Variants in REPS2 observed in about 807,000 individuals in gnomAD.
The protein encoded by REPS2 is ralBP1-associated Eps domain-containing protein 2.
Under a neutral mutation model 53.6 loss-of-function variants are expected in REPS2, and 23 were observed. The ratio of observed to expected loss-of-function variants is 0.43; its 90% CI spans 0.31 to 0.61. REPS2 has a LOEUF of 0.61. Among genes scored for constraint, REPS2 ranks in the 20% least tolerant of loss-of-function variants. The pLI, the probability that REPS2 is intolerant of heterozygous loss-of-function variation, is 0.11. For synonymous variants in REPS2, 238 were observed against 218.6 expected, an observed-to-expected ratio of 1.09 and a Z score of -0.78; for missense variants, 446 against 534.9, an observed-to-expected ratio of 0.83 and a Z score of 1.64.
the REPS2 span, among the ~76,000 whole-genome samples, chrX:17,171,011 G>A: frequency 2.7e-5 from 3 of 112,970 alleles, no homozygotes; most frequent in Non-Finnish European, 3.7e-5. Context: ...GACTCCATCT[G>A]TCTGGCTGGC....
chrX:17,101,331 G>A (rs1344178499), intron 13 of REPS2, among the ~76,000 whole-genome samples: 1 of 110,500 alleles, frequency 9.0e-6, no homozygotes, highest in Admixed American at 9.7e-5. Context: ...CAAAGTGCTG[G>A]GATTACAAGC....
chrX:17,190,463 A>G, the REPS2 span, among the ~76,000 whole-genome samples: 11 of 112,339 alleles, frequency 9.8e-5, no homozygotes, highest in African/African-American at 2.9e-4. Flanking sequence ...TGAAGAAATA[A>G]ACCAAGGAAG....
At chrX:17,155,512 G>A (rs955453858), downstream of REPS2, among the ~76,000 whole-genome samples, 1 of 111,659 alleles carries the variant, frequency 9.0e-6, no homozygotes, top group Admixed American at 9.5e-5. Context: ...AGAGAAGGAC[G>A]CAAAGGTAGG....
chrX:16,965,569 G>A (rs1321056065), intron 1 of REPS2, among the ~76,000 whole-genome samples: 8 of 110,075 alleles, frequency 7.3e-5, no homozygotes, highest in African/African-American at 1.7e-4. Flanking sequence ...GGGCAGAGAC[G>A]CTCCTCACAT....
At chrX:17,050,153 T>C (rs111921450) in intron 6 of REPS2, among the ~76,000 whole-genome samples, 2,253 of 35,202 alleles carry the variant, frequency 0.064, 33 homozygotes, top group East Asian at 0.21. Flanking sequence ...TTTCTTTCTT[T>C]CTTTCTTTCT....
At chrX:16,950,282 C>A (rs971815870) in intron 1 of REPS2, among the ~76,000 whole-genome samples, 1 of 111,745 alleles carries the variant, frequency 8.9e-6, no homozygotes, top group African/African-American at 3.3e-5. Context: ...TATTCACCTA[C>A]TGAAGGATAT....
intron 1 of REPS2, among the ~76,000 whole-genome samples, chrX:16,965,367 A>AC (rs1275303980): frequency 1.0e-5 from 1 of 97,005 alleles, no homozygotes; most frequent in African/African-American, 4.0e-5. Flanking sequence ...CGGGGGGCTG[A>AC]CCCCCCCACC....
the REPS2 span, among the ~76,000 whole-genome samples, chrX:17,183,355 G>C: frequency 9.0e-6 from 1 of 111,549 alleles, no homozygotes; most frequent in Non-Finnish European, 1.9e-5. Flanking sequence ...TCACTACATT[G>C]TACCCCAAAA....
the REPS2 span, among the ~76,000 whole-genome samples, chrX:17,161,042 C>T: frequency 9.0e-6 from 1 of 111,485 alleles, no homozygotes; most frequent in Non-Finnish European, 1.9e-5. Context: ...AGATGTGGAA[C>T]TTTTGAACTA....
intron 1 of REPS2, among the ~76,000 whole-genome samples, chrX:16,951,247 C>T (rs2060501662): frequency 9.0e-6 from 1 of 111,593 alleles, no homozygotes; most frequent in Non-Finnish European, 1.9e-5. Flanking sequence ...TGTTCGTAGA[C>T]ATATTTTCTT....
chrX:16,959,462 C>T (rs1213503266), intron 1 of REPS2, among the ~76,000 whole-genome samples: 3 of 111,851 alleles, frequency 2.7e-5, no homozygotes, highest in Non-Finnish European at 5.6e-5. Context: ...TTATTCATGA[C>T]ACTGGGAAAC....
chrX:16,985,388 A>G (rs745643483), intron 1 of REPS2, among the ~76,000 whole-genome samples: 17 of 111,202 alleles, frequency 1.5e-4, no homozygotes, highest in Non-Finnish European at 2.3e-4. Context: ...TCCTTCAACT[A>G]TTTTCCTTTT....
At chrX:17,112,140 T>G (rs957344503) in intron 14 of REPS2, among the ~76,000 whole-genome samples, 3 of 110,467 alleles carry the variant, frequency 2.7e-5, no homozygotes, top group Admixed American at 9.7e-5. Flanking sequence ...TTTTATTTTT[T>G]GTAGAGACAG....
Position 17,103,740 on chromosome X carries a change from C to G in REPS2, c.1539C>G (p.Pro513=). 1 of 1,210,489 alleles carries G rather than the reference C, an allele frequency of 8.3e-7. No homozygotes were observed. Among genetic ancestry groups the G allele is most frequent in the Non-Finnish European group, 1.1e-6 (1 of 894,825 alleles). ...SVPATKSGLL[P]PPPALPPRPC... The stretch of plus-strand genomic sequence containing the variant: ...CAGCTACCAAGTCAGGATTGTTACC[C>G]CCACCACCTGCGCTCCCTCCAAGAC... Residue 513 remains proline, a synonymous_variant, in exon 14 of 18, where the codon CCC becomes CCG. Coordinates refer to ENST00000357277, the MANE Select transcript of REPS2 (RefSeq NM_004726.3).
At chrX:17,114,106 G>A (rs1427489057) in intron 14 of REPS2, among the ~76,000 whole-genome samples, 1 of 111,507 alleles carries the variant, frequency 9.0e-6, no homozygotes, top group African/African-American at 3.3e-5. Flanking sequence ...GACCTTTGAT[G>A]GTAAGGTTTT....
At chrX:17,083,948 A>G (rs2062496411) in intron 13 of REPS2, among the ~76,000 whole-genome samples, 1 of 111,290 alleles carries the variant, frequency 9.0e-6, no homozygotes, top group South Asian at 3.8e-4. Context: ...TCACCTTTTT[A>G]AAGTGCACAA....
chrX:17,017,068 C>T (rs2061507862), intron 2 of REPS2, among the ~76,000 whole-genome samples: 2 of 111,057 alleles, frequency 1.8e-5, no homozygotes, highest in South Asian at 7.5e-4. Flanking sequence ...ACCTTCCAAG[C>T]TCAAGCCATC....
intron 8 of REPS2, among the ~76,000 whole-genome samples, chrX:17,058,224 G>A (rs1853003388): frequency 1.8e-5 from 2 of 111,166 alleles, no homozygotes; most frequent in Admixed American, 9.6e-5. Context: ...GGAGTCCAAG[G>A]CAGGTGGATC....
chrX:17,018,185 T>G (rs2061523835), intron 2 of REPS2, among the ~76,000 whole-genome samples: 1 of 102,456 alleles, frequency 9.8e-6, no homozygotes, highest in East Asian at 3.1e-4. Flanking sequence ...CCCATTTTCT[T>G]TTTCCTACCC....
Sources: gnomAD v4.1 joint callset for allele counts (sites outside exome capture counted in the v4.1 genomes callset) on GRCh38, gnomAD v4.1.1 for gene constraint, MANE v1.5 for transcripts, NCBI Gene and HGNC (gene_info 2026-07-23, HGNC 2026-07-21) for gene names.